The following CNGB3 variants were observed in gnomAD, a reference collection of about 807,000 sequenced individuals.
CNGB3 encodes the protein cyclic nucleotide gated channel subunit beta 3.
A neutral mutation model predicts 92.8 loss-of-function variants in CNGB3; 86 were observed. The ratio of observed to expected loss-of-function variants is 0.93; its 90% CI spans 0.78 to 1.11. The LOEUF is 1.11. Among genes scored for constraint, CNGB3 ranks in the 50% least tolerant of loss-of-function variants. The pLI is 0.00. For missense variants in CNGB3, 1,026 were observed against 956.8 expected, an observed-to-expected ratio of 1.07 and a Z score of -0.95; for synonymous variants, 333 against 332.7, an observed-to-expected ratio of 1.00 and a Z score of -0.01.
At chr8:86,633,016 T>C in intron 10 of CNGB3, 123 bp from the exon 11 acceptor site, 1 of 854,308 alleles carries the variant, frequency 1.2e-6, no homozygotes, top group Non-Finnish European at 1.9e-6. Flanking sequence ...TTTCTTTCTC[T>C]AGACAGCACT....
At chr8:86,720,979 T>C (rs950360926) in intron 3 of CNGB3, among the ~76,000 whole-genome samples, 2 of 151,722 alleles carry the variant, frequency 1.3e-5, no homozygotes, top group African/African-American at 2.4e-5. Context: ...ATTATTATTA[T>C]TTTTTGAGAC....
chr8:86,650,886 A>G (rs1378841700), intron 7 of CNGB3, among the ~76,000 whole-genome samples: 1 of 151,860 alleles, frequency 6.6e-6, no homozygotes, highest in African/African-American at 2.4e-5. Context: ...AGCCCAATTC[A>G]TAACTGCAAA....
At chr8:86,609,487 C>T (rs1822478626) in intron 14 of CNGB3, among the ~76,000 whole-genome samples, 1 of 152,178 alleles carries the variant, frequency 6.6e-6, no homozygotes, top group South Asian at 2.1e-4. Flanking sequence ...TCTGAAAGCT[C>T]ATTCTCAGTT....
At chr8:86,645,881 GAC>G in intron 8 of CNGB3, among the ~76,000 whole-genome samples, 1 of 151,094 alleles carries the variant, frequency 6.6e-6, no homozygotes, top group Non-Finnish European at 1.5e-5. Context: ...ATAACTTGGA[GAC>G]ATATAGATGA....
intron 7 of CNGB3, among the ~76,000 whole-genome samples, chr8:86,650,953 A>G (rs1026646966): frequency 2.0e-5 from 3 of 151,856 alleles, no homozygotes; most frequent in East Asian, 1.9e-4. Flanking sequence ...AAAATTTGGC[A>G]TATGTACACC....
At chr8:86,579,332 TA>T in intron 15 of CNGB3, 80 bp from the exon 16 acceptor site, 1 of 1,462,590 alleles carries the variant, frequency 6.8e-7, no homozygotes, top group East Asian at 2.3e-5. Flanking sequence ...TAGCAACTAT[TA>T]TAAGTATTTA....
chr8:86,586,267 G>A (rs1360803920), intron 15 of CNGB3, among the ~76,000 whole-genome samples: 1 of 152,114 alleles, frequency 6.6e-6, no homozygotes, highest in East Asian at 1.9e-4. Flanking sequence ...TATGCAGATA[G>A]CCAATTAGCA....
intron 3 of CNGB3, among the ~76,000 whole-genome samples, chr8:86,721,732 A>C (rs1287946872): frequency 6.6e-6 from 1 of 152,168 alleles, no homozygotes; most frequent in Admixed American, 6.6e-5. Flanking sequence ...CTTTTTTAAA[A>C]AAAATGCTTA....
At chr8:86,598,006 A>AAAATT (rs1554606828) in intron 15 of CNGB3, among the ~76,000 whole-genome samples, 16 of 102,626 alleles carry the variant, frequency 1.6e-4, no homozygotes, top group African/African-American at 9.2e-4. Context: ...AAAATAAAAT[A>AAAATT]AAATTAAAAT....
In CNGB3 at chr8:86,647,825, C is replaced by T. The variant is rs1383229376; in HGVS notation, c.966G>A (p.Met322Ile). Residue 322 changes from methionine to isoleucine, a missense_variant, in exon 8 of 18, where the codon ATG becomes ATA. By Grantham distance (10) the Met-to-Ile change is conservative (BLOSUM62 1). Coordinates refer to ENST00000320005, the MANE Select transcript of CNGB3 (RefSeq NM_019098.5). ...CCTTTAACATCCTATTTGCTCTAAA[C>T]ATTGGATTAAACCCAAAGAAGAGGT... ...ICYLFFGFNP[M>I]FRANRMLKYT... The T allele has an allele frequency of 1.9e-6, 3 of 1,578,460 alleles. No individual in the cohort carries two copies. The African/African-American group carries it at 4.1e-5, about 21-fold the overall frequency.
intron 4 of CNGB3, among the ~76,000 whole-genome samples, chr8:86,668,631 G>A (rs1005631206): frequency 2.0e-5 from 3 of 149,486 alleles, no homozygotes; most frequent in South Asian, 2.1e-4. Flanking sequence ...GAAAAAATAC[G>A]TCAATGTAAA....
chr8:86,647,988 A>G (rs1028271249), intron 7 of CNGB3, 101 bp from the exon 8 acceptor site: 17 of 805,560 alleles, frequency 2.1e-5, no homozygotes, highest in Admixed American at 3.5e-5. Flanking sequence ...ATCACAATAT[A>G]TTATTTGTTG....
chr8:86,661,486 C>T, intron 6 of CNGB3: 1 of 620,592 alleles, frequency 1.6e-6, no homozygotes, highest in South Asian at 1.4e-5. Flanking sequence ...ATAAGTCCAT[C>T]TGAAACTTGC....
At chr8:86,673,150 C>G (rs1383791322) in intron 3 of CNGB3, among the ~76,000 whole-genome samples, 1 of 152,184 alleles carries the variant, frequency 6.6e-6, no homozygotes, top group African/African-American at 2.4e-5. Flanking sequence ...GATAGTTGTT[C>G]ATAGTTTAAT....
chr8:86,693,533 G>A (rs1165990446), intron 3 of CNGB3, among the ~76,000 whole-genome samples: 1 of 150,022 alleles, frequency 6.7e-6, no homozygotes, highest in Non-Finnish European at 1.5e-5. Flanking sequence ...GTGGAGGGAA[G>A]GTCAGCAGAT....
At chr8:86,675,877 C>A (rs1823957125) in intron 3 of CNGB3, among the ~76,000 whole-genome samples, 1 of 151,944 alleles carries the variant, frequency 6.6e-6, no homozygotes, top group African/African-American at 2.4e-5. Flanking sequence ...AGGCACAGGC[C>A]AACAAAATTG....
chr8:86,583,527 G>T (rs750152393), intron 15 of CNGB3, among the ~76,000 whole-genome samples: 1 of 152,166 alleles, frequency 6.6e-6, no homozygotes, highest in African/African-American at 2.4e-5. Context: ...AAGGAAAAAA[G>T]TGGGAGGAAA....
rs1467986988 is a variant in CNGB3 at position 86,576,112 on chromosome 8, C to CTT, written c.2120_2121dup (p.Gly708LysfsTer122). On this transcript the variant is annotated frameshift_variant, in exon 18 of 18. Transcript: ENST00000320005. LOFTEE classifies it low-confidence loss of function (END_TRUNC). Reference sequence around the variant, plus strand: ...TTTTCTTTTCCTTCTTCCTCTCCTCCTTCAGAATTTTCTTTCTTCTGGAAG... The same window carrying CTT: ...TTTTCTTTTCCTTCTTCCTCTCCTCCTTTTCAGAATTTTCTTTCTTCTGGAAG... The CTT allele has an allele frequency of 1.2e-6, 2 of 1,602,706 alleles. No individual in the cohort carries two copies. The highest frequency in any genetic ancestry group is 1.7e-6 in the Non-Finnish European group (2 of 1,177,906).
At chr8:86,696,638 C>T (rs148163665) in intron 3 of CNGB3, among the ~76,000 whole-genome samples, 3 of 152,302 alleles carry the variant, frequency 2.0e-5, no homozygotes, top group African/African-American at 7.2e-5. Flanking sequence ...TTGTTATATC[C>T]TCTTGCTGAA....
Sources: gnomAD v4.1 joint callset for allele counts (sites outside exome capture counted in the v4.1 genomes callset) on GRCh38, gnomAD v4.1.1 for gene constraint, MANE v1.5 for transcripts, NCBI Gene and HGNC (gene_info 2026-07-23, HGNC 2026-07-21) for gene names.